TTLL11: variants seen among roughly 807,000 people sequenced by gnomAD.
TTLL11 encodes the protein tubulin tyrosine ligase like 11, also known as tubulin polyglutamylase TTLL11.
Under a neutral mutation model 51.7 loss-of-function variants are expected in TTLL11, and 42 were observed. The observed-to-expected ratio is 0.81, with a 90% CI of 0.64 to 1.05. The LOEUF (loss-of-function observed/expected upper bound fraction) is 1.05, where lower values mean the gene tolerates loss of function less well. TTLL11 is among the 50% of genes least tolerant of loss of function. The pLI is 0.00. For missense variants in TTLL11, 799 were observed against 940.4 expected, an observed-to-expected ratio of 0.85 and a Z score of 1.97; for synonymous variants, 381 against 383.5, an observed-to-expected ratio of 0.99 and a Z score of 0.08.
chr9:122,006,104 C>A (rs151038504), intron 3 of TTLL11, among the ~76,000 whole-genome samples: 2,483 of 152,284 alleles, frequency 0.016, 52 homozygotes, highest in African/African-American at 0.057. Context: ...CTTTAGGAGG[C>A]CAAGGCGGGT....
At chr9:121,966,034 A>G (rs1251288558) in intron 6 of TTLL11, among the ~76,000 whole-genome samples, 1 of 152,208 alleles carries the variant, frequency 6.6e-6, no homozygotes, top group African/African-American at 2.4e-5. Context: ...GGCCCAAGAG[A>G]TGTGCTTGGA....
chr9:122,010,771 A>G (rs1843771672), intron 3 of TTLL11, among the ~76,000 whole-genome samples: 1 of 152,216 alleles, frequency 6.6e-6, no homozygotes, highest in South Asian at 2.1e-4. Context: ...TTCTCTCTAG[A>G]ACTGAAATCT....
chr9:121,876,883 C>T (rs567024871), intron 6 of TTLL11, among the ~76,000 whole-genome samples: 7 of 152,268 alleles, frequency 4.6e-5, no homozygotes, highest in South Asian at 2.1e-4. Flanking sequence ...GCAAACCCTG[C>T]GGGTGATTCT....
rs4601401 is a variant in TTLL11 at position 121,846,937 on chromosome 9, C to T, written c.1840+13400G>A. ...TAAAAATCAGAACACAAGGCCGGGC[C>T]CGGTGGCTCACGCCTGTAATCCCAG... On this transcript the variant is annotated intron_variant, in intron 8 of 8. Coordinates refer to ENST00000321582, the MANE Select transcript of TTLL11 (RefSeq NM_001139442.2). Among the ~76,000 whole-genome samples the T allele has an allele frequency of 5.6e-3, 846 of 152,088 alleles. 6 individuals carry two copies. The highest frequency in any genetic ancestry group is 0.019 in the African/African-American group (792 of 41,526).
Position 121,870,661 on chromosome 9 carries a change from G to C in TTLL11, c.1569C>G (p.Pro523=), listed in dbSNP as rs1360256788. The change falls in exon 7 of 9, where the codon CCC becomes CCG. Residue 523 remains proline (P), a synonymous_variant. Transcript: ENST00000321582. Reference sequence around the variant, plus strand: ...GGCAAATGGAAGGCAGGTGGGCTTCGGGGTTGGCGTTGCAGTCTGGAGCAC... The same window carrying C: ...GGCAAATGGAAGGCAGGTGGGCTTCCGGGTTGGCGTTGCAGTCTGGAGCAC... The part of the protein sequence containing the change: ...LTSAPDCNAN[P]EAHLPSICLK... 3 of 1,551,590 alleles carry C rather than the reference G, an allele frequency of 1.9e-6. No homozygotes were observed. Among genetic ancestry groups the C allele is most frequent in the Non-Finnish European group, 2.6e-6 (3 of 1,147,024 alleles).
intron 6 of TTLL11, among the ~76,000 whole-genome samples, chr9:121,935,956 G>A (rs923351873): frequency 2.6e-5 from 4 of 152,192 alleles, no homozygotes; most frequent in African/African-American, 7.2e-5. Flanking sequence ...TCTCCTGGCC[G>A]CTTCTGGGAA....
At chr9:121,884,163 C>T (rs1217115717) in intron 6 of TTLL11, among the ~76,000 whole-genome samples, 2 of 152,180 alleles carry the variant, frequency 1.3e-5, no homozygotes, top group Non-Finnish European at 2.9e-5. Flanking sequence ...CCTCCCCCTC[C>T]CAGAGGGACA....
intron 1 of TTLL11, among the ~76,000 whole-genome samples, chr9:122,047,290 G>A (rs1291803798): frequency 6.6e-6 from 1 of 152,256 alleles, no homozygotes; most frequent in African/African-American, 2.4e-5. Context: ...AATTTGAGCT[G>A]AGATTGGAAG....
At chr9:121,975,575 C>T (rs991223510) in intron 4 of TTLL11, among the ~76,000 whole-genome samples, 3 of 152,002 alleles carry the variant, frequency 2.0e-5, no homozygotes, top group African/African-American at 4.8e-5. Context: ...AGCTGGGTGT[C>T]GTGGCGCGAA....
chr9:121,851,619 G>A (rs139451894), intron 8 of TTLL11, among the ~76,000 whole-genome samples: 1 of 152,354 alleles, frequency 6.6e-6, no homozygotes, highest in Non-Finnish European at 1.5e-5. Context: ...ATACAGTCAG[G>A]AGACCTGGGT....
chr9:121,933,067 C>T (rs2131557806), intron 6 of TTLL11, among the ~76,000 whole-genome samples: 1 of 152,274 alleles, frequency 6.6e-6, no homozygotes, highest in South Asian at 2.1e-4. Context: ...TTTCCTCTCT[C>T]TTGTTTCAGA....
chr9:121,822,456 G>T lies in TTLL11; in HGVS notation c.*131C>A, dbSNP rs1836606602. 2.3e-6 allele frequency: 2 copies of T among 866,436 alleles called. No individual in the cohort carries two copies. The highest frequency in any genetic ancestry group is 3.4e-6 in the Non-Finnish European group (2 of 595,482). The allele number at this position is 866,436 out of a possible 1,614,324, so 53.7% of individuals were successfully genotyped here. A position where few individuals can be genotyped will look rare whatever the true frequency, so the allele number is the denominator to read the frequency against. The stretch of plus-strand genomic sequence containing the variant: ...GAAGCACAGCTCAGCCGCACACAGA[G>T]ACAGTTCGTGGGGACCTCAGCTGGG... On this transcript the variant is annotated 3_prime_UTR_variant, in exon 9 of 9. Coordinates refer to ENST00000321582, the MANE Select transcript of TTLL11 (RefSeq NM_001139442.2). The surrounding 1 kb of genome is among the most constrained non-coding windows in gnomAD (Gnocchi z 5.8).
At chr9:121,966,883 T>C (rs1842414568) in intron 6 of TTLL11, among the ~76,000 whole-genome samples, 1 of 152,210 alleles carries the variant, frequency 6.6e-6, no homozygotes, top group South Asian at 2.1e-4. Flanking sequence ...CCTCAACAGC[T>C]GGTGACTTAT....
At chr9:121,978,268 A>T (rs1644592404) in intron 4 of TTLL11, among the ~76,000 whole-genome samples, 2 of 152,202 alleles carry the variant, frequency 1.3e-5, no homozygotes, top group Admixed American at 1.3e-4. Flanking sequence ...ACTGGGAGAT[A>T]TGTAGAGTTA....
At chr9:121,884,396 C>A (rs569786443) in intron 6 of TTLL11, among the ~76,000 whole-genome samples, 2 of 152,144 alleles carry the variant, frequency 1.3e-5, no homozygotes, top group Non-Finnish European at 2.9e-5. Flanking sequence ...TACTAACAAG[C>A]GCGGAGCTGA....
At chr9:122,082,827 G>T (rs1010579868) in intron 1 of TTLL11, among the ~76,000 whole-genome samples, 1 of 152,050 alleles carries the variant, frequency 6.6e-6, no homozygotes, top group Non-Finnish European at 1.5e-5. Context: ...GAGCCCAGGA[G>T]ACTAGCTTGG....
intron 6 of TTLL11, among the ~76,000 whole-genome samples, chr9:121,954,119 G>A (rs548529694): frequency 6.6e-6 from 1 of 152,296 alleles, no homozygotes; most frequent in East Asian, 1.9e-4. Context: ...TGGCAGGGCC[G>A]GGGCTAGAAC....
intron 8 of TTLL11, among the ~76,000 whole-genome samples, chr9:121,825,241 G>A (rs1361235342): frequency 6.6e-6 from 1 of 152,094 alleles, no homozygotes; most frequent in African/African-American, 2.4e-5. Context: ...GAGATGGTCG[G>A]GTGGGAGGGT....
rs1836629401 is a variant in TTLL11, at chr9:121,822,945, C to T, written c.1841-66G>A. The T allele has an allele frequency of 2.7e-6, 4 of 1,456,178 alleles. No homozygotes were observed. Among genetic ancestry groups the T allele is most frequent in the Admixed American group, 2.6e-5 (1 of 38,854 alleles). The allele number at this position is 1,456,178 out of a possible 1,614,324, so 90.2% of individuals were successfully genotyped here. A position where few individuals can be genotyped will look rare whatever the true frequency, so the allele number is the denominator to read the frequency against. ...CCCTACGCTGCCCTGGGAAGGCCCA[C>T]CTCCAGCCACAAGGATGTCAGCAAG... On this transcript the variant is annotated intron_variant, in intron 8 of 8. Coordinates refer to ENST00000321582, the MANE Select transcript of TTLL11 (RefSeq NM_001139442.2). The surrounding 1 kb of genome is among the most constrained non-coding windows in gnomAD (Gnocchi z 5.8).
Sources: gnomAD v4.1 joint callset for allele counts (sites outside exome capture counted in the v4.1 genomes callset) on GRCh38, gnomAD v4.1.1 for gene constraint, Gnocchi (gnomAD v3.1) non-coding constraint, MANE v1.5 for transcripts, NCBI Gene and HGNC (gene_info 2026-07-23, HGNC 2026-07-21) for gene names.